Variants in PDE8B observed in about 807,000 individuals in gnomAD.
PDE8B encodes the protein high affinity cAMP-specific and IBMX-insensitive 3',5'-cyclic phosphodiesterase 8B.
Under a neutral mutation model 101.3 loss-of-function variants are expected in PDE8B, and 26 were observed. That is an observed-to-expected ratio of 0.26 (90% CI 0.19 to 0.36). The LOEUF (loss-of-function observed/expected upper bound fraction) is 0.36, where lower values mean the gene tolerates loss of function less well. Among genes scored for constraint, PDE8B ranks in the 10% least tolerant of loss-of-function variants. The pLI, the probability that PDE8B is intolerant of heterozygous loss-of-function variation, is 1.00. For synonymous variants in PDE8B, 424 were observed against 429.3 expected (o/e 0.99, Z 0.15); for missense variants, 810 against 1,163.1 (o/e 0.70, Z 4.42).
intron 10 of PDE8B, among the ~76,000 whole-genome samples, chr5:77,393,131 C>T (rs999145412): frequency 3.9e-5 from 6 of 152,116 alleles, no homozygotes; most frequent in Admixed American, 2.0e-4. Context: ...CAGTGGCTCA[C>T]GCCTGTAATC....
intron 1 of PDE8B, among the ~76,000 whole-genome samples, chr5:77,284,305 G>C (rs1188078074): frequency 6.6e-6 from 1 of 152,128 alleles, no homozygotes; most frequent in African/African-American, 2.4e-5. Context: ...ATCTTTTGCA[G>C]AGCAGAAATT....
intron 20 of PDE8B, among the ~76,000 whole-genome samples, chr5:77,423,632 GTTTTTTTTTTTTT>G (rs71594634): frequency 1.1e-4 from 8 of 74,040 alleles, no homozygotes; most frequent in African/African-American, 2.1e-4. Context: ...GTTTTGTTTA[GTTTTTTTTTTTTT>G]TTTTTTTTTT....
chr5:77,100,862 G>A, the PDE8B span, among the ~76,000 whole-genome samples: 2 of 151,644 alleles, frequency 1.3e-5, no homozygotes, highest in African/African-American at 4.8e-5. Flanking sequence ...TTTTGCCAAA[G>A]GAAAAATAAA....
chr5:77,214,769 T>C (rs1749287978), intron 1 of PDE8B, among the ~76,000 whole-genome samples: 2 of 152,146 alleles, frequency 1.3e-5, no homozygotes, highest in African/African-American at 4.8e-5. Context: ...CCTAGAGAGC[T>C]TGTTAAAATA....
chr5:77,159,323 C>G, the PDE8B span, among the ~76,000 whole-genome samples: 1 of 152,056 alleles, frequency 6.6e-6, no homozygotes, highest in Admixed American at 6.5e-5. Flanking sequence ...CTGCGGGAGG[C>G]AGATCCACCC....
chr5:77,253,240 A>T (rs1758434383), intron 1 of PDE8B, among the ~76,000 whole-genome samples: 1 of 152,212 alleles, frequency 6.6e-6, no homozygotes, highest in Non-Finnish European at 1.5e-5. Flanking sequence ...ATTGTAAATG[A>T]GTATAAATTT....
chr5:77,392,088 A>G (rs1363319265), intron 10 of PDE8B, among the ~76,000 whole-genome samples: 1 of 152,236 alleles, frequency 6.6e-6, no homozygotes, highest in Non-Finnish European at 1.5e-5. Context: ...CATTTTGACA[A>G]GGATATCACA....
intron 10 of PDE8B, among the ~76,000 whole-genome samples, chr5:77,354,897 C>G (rs969453891): frequency 7.9e-5 from 12 of 152,228 alleles, no homozygotes; most frequent in African/African-American, 2.7e-4. Context: ...TCTGAAGGCC[C>G]CTGAGGTACC....
the PDE8B span, among the ~76,000 whole-genome samples, chr5:77,095,062 G>T: frequency 1.3e-5 from 2 of 152,174 alleles, no homozygotes; most frequent in Admixed American, 6.5e-5. Flanking sequence ...GATGCCTAAA[G>T]ATTTTCTATG....
At chr5:77,143,098 A>G in the PDE8B span, among the ~76,000 whole-genome samples, 1 of 152,162 alleles carries the variant, frequency 6.6e-6, no homozygotes, top group Non-Finnish European at 1.5e-5. Flanking sequence ...GAGGGCCAGA[A>G]AAGAATGTGA....
chr5:77,256,548 C>A (rs1759215095), intron 1 of PDE8B, among the ~76,000 whole-genome samples: 1 of 152,150 alleles, frequency 6.6e-6, no homozygotes, highest in African/African-American at 2.4e-5. Flanking sequence ...GTGCTATGAT[C>A]ATGCCACTGT....
At chr5:77,352,446 A>G (rs1028323901) in intron 9 of PDE8B, among the ~76,000 whole-genome samples, 2 of 152,248 alleles carry the variant, frequency 1.3e-5, no homozygotes, top group African/African-American at 4.8e-5. Context: ...GATTTTACAG[A>G]TAAGAAAAAG....
At chr5:77,350,915 C>T in intron 8 of PDE8B, 150 bp from the exon 9 acceptor site, 1 of 715,706 alleles carries the variant, frequency 1.4e-6, no homozygotes, top group Non-Finnish European at 2.6e-6. Context: ...GTGGCCACAT[C>T]AGCATTGCAC....
intron 10 of PDE8B, among the ~76,000 whole-genome samples, chr5:77,363,850 G>A (rs914311777): frequency 1.3e-5 from 2 of 151,942 alleles, no homozygotes; most frequent in Non-Finnish European, 2.9e-5. Flanking sequence ...TTGAGCTGAG[G>A]GTACAGTTGG....
At chr5:77,401,904 G>A (rs1792364413) in intron 11 of PDE8B, among the ~76,000 whole-genome samples, 1 of 152,082 alleles carries the variant, frequency 6.6e-6, no homozygotes, top group African/African-American at 2.4e-5. Context: ...GATAAAATGA[G>A]GAAGAATAAA....
chr5:77,257,912 C>T (rs1243628254), intron 1 of PDE8B, among the ~76,000 whole-genome samples: 1 of 152,084 alleles, frequency 6.6e-6, no homozygotes, highest in Admixed American at 6.5e-5. Flanking sequence ...ACACTCTTTT[C>T]TTAATAGCAA....
chr5:77,238,360 C>G (rs969276102), intron 1 of PDE8B, among the ~76,000 whole-genome samples: 1 of 152,110 alleles, frequency 6.6e-6, no homozygotes, highest in African/African-American at 2.4e-5. Flanking sequence ...TTGAGCCTAT[C>G]CAGTTGGTTT....
At chr5:77,342,652 G>T (rs1014103729) in intron 6 of PDE8B, among the ~76,000 whole-genome samples, 1 of 152,108 alleles carries the variant, frequency 6.6e-6, no homozygotes, top group Admixed American at 6.5e-5. Context: ...TGCTTGCTGT[G>T]TTGGACAGTA....
the PDE8B span, among the ~76,000 whole-genome samples, chr5:77,190,208 G>T: frequency 6.6e-6 from 1 of 152,146 alleles, no homozygotes; most frequent in Non-Finnish European, 1.5e-5. Context: ...GTGCCAAAAT[G>T]CCCTTTGGTT....
Sources: gnomAD v4.1 joint callset for allele counts (sites outside exome capture counted in the v4.1 genomes callset) on GRCh38, gnomAD v4.1.1 for gene constraint, MANE v1.5 for transcripts, NCBI Gene and HGNC (gene_info 2026-07-23, HGNC 2026-07-21) for gene names.